SEMA6D: variants seen among roughly 807,000 people sequenced by gnomAD.
SEMA6D encodes semaphorin 6D.
In SEMA6D, 35 loss-of-function variants were observed where a neutral mutation model predicts 106.6. The ratio of observed to expected loss-of-function variants is 0.33; its 90% CI spans 0.25 to 0.44. SEMA6D has a LOEUF of 0.44. Ranked by LOEUF, SEMA6D falls within the 20% of genes least tolerant of loss-of-function variation. The pLI is 1.00. For synonymous variants in SEMA6D, 499 were observed against 487.7 expected (o/e 1.02, Z -0.31); for missense variants, 1,185 against 1,345.9 (o/e 0.88, Z 1.87).
chr15:47,361,300 C>G (rs995138923), intron 1 of SEMA6D, among the ~76,000 whole-genome samples: 2 of 152,124 alleles, frequency 1.3e-5, no homozygotes, highest in Non-Finnish European at 2.9e-5. Context: ...GGACATATCC[C>G]CTTGATAAGG....
intron 1 of SEMA6D, among the ~76,000 whole-genome samples, chr15:47,361,897 A>C (rs972327134): frequency 6.6e-6 from 1 of 152,258 alleles, no homozygotes; most frequent in Non-Finnish European, 1.5e-5. Flanking sequence ...GGGCTGAGAA[A>C]CAAACTGTAC....
intron 2 of SEMA6D, among the ~76,000 whole-genome samples, chr15:47,419,387 A>ATT (rs2041079488): frequency 6.6e-6 from 1 of 152,138 alleles, no homozygotes; most frequent in African/African-American, 2.4e-5. Flanking sequence ...ATGGCCAAAA[A>ATT]TTAAATAAGG....
intron 2 of SEMA6D, among the ~76,000 whole-genome samples, chr15:47,431,770 A>T (rs1040289145): frequency 6.6e-6 from 1 of 152,152 alleles, no homozygotes; most frequent in Non-Finnish European, 1.5e-5. Flanking sequence ...AGAAATGCAC[A>T]GTTTAGACTT....
chr15:47,441,867 C>T (rs192866594), intron 2 of SEMA6D, among the ~76,000 whole-genome samples: 1 of 151,910 alleles, frequency 6.6e-6, no homozygotes, highest in Admixed American at 6.6e-5. Flanking sequence ...GAGTGGGTGA[C>T]TGCCACATCT....
chr15:47,371,659 C>A (rs281245), intron 1 of SEMA6D, among the ~76,000 whole-genome samples: 3 of 151,996 alleles, frequency 2.0e-5, no homozygotes, highest in South Asian at 4.2e-4. Flanking sequence ...TTGACCCTCG[C>A]GTGCCATGTT....
intron 2 of SEMA6D, among the ~76,000 whole-genome samples, chr15:47,466,369 G>A (rs572458813): frequency 1.3e-5 from 2 of 151,982 alleles, no homozygotes; most frequent in African/African-American, 4.8e-5. Context: ...CATAGGTTAG[G>A]CTTCTTTAGT....
chr15:47,386,305 A>G (rs945411980), intron 1 of SEMA6D, among the ~76,000 whole-genome samples: 5 of 152,146 alleles, frequency 3.3e-5, no homozygotes, highest in African/African-American at 9.7e-5. Context: ...ACCATGGGGA[A>G]GGTCTGAAGG....
At chr15:47,343,273 T>C (rs551761411) in intron 1 of SEMA6D, among the ~76,000 whole-genome samples, 2 of 146,104 alleles carry the variant, frequency 1.4e-5, no homozygotes, top group Non-Finnish European at 3.0e-5. Context: ...ATTATTATTA[T>C]ACTTTAAGTT....
At chr15:47,488,436 G>A (rs1219379984) in intron 3 of SEMA6D, among the ~76,000 whole-genome samples, 1 of 151,216 alleles carries the variant, frequency 6.6e-6, no homozygotes, top group Admixed American at 6.6e-5. Context: ...CACTCTTGGA[G>A]ATCTTTTCAT....
At chr15:47,443,350 G>A (rs1376349540) in intron 2 of SEMA6D, among the ~76,000 whole-genome samples, 1 of 152,094 alleles carries the variant, frequency 6.6e-6, no homozygotes, top group Non-Finnish European at 1.5e-5. Context: ...TTTGCTACCT[G>A]GGAGTAGCAA....
chr15:47,277,449 G>C (rs899374171), intron 1 of SEMA6D, among the ~76,000 whole-genome samples: 5 of 151,980 alleles, frequency 3.3e-5, no homozygotes, highest in Middle Eastern at 3.4e-3. Flanking sequence ...TCATCACCCT[G>C]ATCATCAACA....
At chr15:47,510,233 A>C (rs1350832999) in intron 3 of SEMA6D, among the ~76,000 whole-genome samples, 1 of 152,170 alleles carries the variant, frequency 6.6e-6, no homozygotes, top group Non-Finnish European at 1.5e-5. Context: ...AGGAGCAAGA[A>C]TCCTATTGTG....
At chr15:47,238,955 C>A (rs558425151) in intron 1 of SEMA6D, among the ~76,000 whole-genome samples, 6 of 152,296 alleles carry the variant, frequency 3.9e-5, no homozygotes, top group African/African-American at 1.4e-4. Flanking sequence ...TTCAGTACAG[C>A]GATCTGCAAG....
intron 2 of SEMA6D, among the ~76,000 whole-genome samples, chr15:47,446,454 T>C (rs1449521088): frequency 1.3e-5 from 2 of 152,128 alleles, no homozygotes; most frequent in East Asian, 3.9e-4. Flanking sequence ...AAATTATGCA[T>C]ACAATCCAGT....
chr15:47,644,212 T>C lies in SEMA6D; in HGVS notation c.-55+43316T>C, dbSNP rs1264379009. 2.0e-5 allele frequency among the ~76,000 whole-genome samples: 3 copies of C among 152,158 alleles called. No homozygotes were observed. In the East Asian group the frequency reaches 5.8e-4, roughly 29 times the overall value. On this transcript the variant is annotated intron_variant, in intron 4 of 19. Coordinates refer to the SEMA6D transcript ENST00000558014. ...TTACTCCTTCAAATATCATGTAATTTAAAAAAATCAGTGTCCTGCATATTG... is the reference window on the plus strand; with the variant it reads ...TTACTCCTTCAAATATCATGTAATTCAAAAAAATCAGTGTCCTGCATATTG...
At chr15:47,503,768 C>T (rs1303159197) in intron 3 of SEMA6D, among the ~76,000 whole-genome samples, 1 of 152,158 alleles carries the variant, frequency 6.6e-6, no homozygotes, top group Non-Finnish European at 1.5e-5. Flanking sequence ...TGCGCCACCT[C>T]TGCTTTTGGA....
chr15:47,713,785 C>T (rs1164690164), upstream of SEMA6D, among the ~76,000 whole-genome samples: 1 of 152,100 alleles, frequency 6.6e-6, no homozygotes, highest in Non-Finnish European at 1.5e-5. Context: ...GACATATACA[C>T]ATAGATAAGA....
chr15:47,732,299 A>G lies in SEMA6D; in HGVS notation c.-55+14607A>G, dbSNP rs1055647131. Reference sequence around the variant, plus strand: ...GGCTAAACAAAGTCATCAAAGACTCAGGTGTTTTCCATGTTTCTTCTCTGC... The same window carrying G: ...GGCTAAACAAAGTCATCAAAGACTCGGGTGTTTTCCATGTTTCTTCTCTGC... On this transcript the variant is annotated intron_variant, in intron 1 of 18. Transcript: ENST00000536845. Among the ~76,000 whole-genome samples, 5 of 152,236 alleles carry G rather than the reference A, an allele frequency of 3.3e-5. No homozygotes were observed. The South Asian group carries it at 1.0e-3, about 32-fold the overall frequency.
chr15:47,196,046 T>C (rs1894330178), intron 1 of SEMA6D, among the ~76,000 whole-genome samples: 1 of 150,058 alleles, frequency 6.7e-6, no homozygotes, highest in African/African-American at 2.5e-5. Context: ...TTTGGAGACG[T>C]GAGAACAGGG....
Sources: gnomAD v4.1 joint callset for allele counts (sites outside exome capture counted in the v4.1 genomes callset) on GRCh38, gnomAD v4.1.1 for gene constraint, MANE v1.5 for transcripts, NCBI Gene and HGNC (gene_info 2026-07-23, HGNC 2026-07-21) for gene names.